The following IQSEC2 variants were observed in gnomAD, a reference collection of about 807,000 sequenced individuals.
The protein encoded by IQSEC2 is IQ motif and Sec7 domain ArfGEF 2.
In IQSEC2, 6 loss-of-function variants were observed where a neutral mutation model predicts 74.6. The observed-to-expected ratio is 0.08, with a 90% confidence interval of 0.04 to 0.16. The LOEUF (loss-of-function observed/expected upper bound fraction) is 0.16, where lower values mean the gene tolerates loss of function less well. Ranked by LOEUF, IQSEC2 falls within the 10% of genes least tolerant of loss-of-function variation. IQSEC2 has a pLI of 1.00. For synonymous variants in IQSEC2, 494 were observed against 544.5 expected, an observed-to-expected ratio of 0.91 and a Z score of 1.29; for missense variants, 734 against 1,306.2, an observed-to-expected ratio of 0.56 and a Z score of 6.75.
intron 1 of IQSEC2, among the ~76,000 whole-genome samples, chrX:53,293,162 G>C (rs1367512158): frequency 8.9e-6 from 1 of 112,276 alleles, no homozygotes; most frequent in Admixed American, 9.4e-5. Context: ...GGCCCCGCTG[G>C]CGAGGTGGGG....
At chrX:53,267,080 G>A in intron 2 of IQSEC2, 1 of 1,148,635 alleles carries the variant, frequency 8.7e-7, no homozygotes, top group Non-Finnish European at 1.2e-6. Flanking sequence ...GCCAGGAAGG[G>A]CGGGGTAGAG....
intron 1 of IQSEC2, among the ~76,000 whole-genome samples, chrX:53,295,574 A>G (rs1057139881): frequency 6.5e-5 from 6 of 92,619 alleles, no homozygotes; most frequent in Non-Finnish European, 1.0e-4. Context: ...ACTGCACTCC[A>G]GCCTGGGCAA....
intron 2 of IQSEC2, among the ~76,000 whole-genome samples, chrX:53,274,663 A>G (rs1202927660): frequency 9.2e-6 from 1 of 108,309 alleles, no homozygotes; most frequent in African/African-American, 3.4e-5. Context: ...GAGTTTCACC[A>G]TGTTAGCCAG....
chrX:53,237,218 C>T (rs1283007330), intron 12 of IQSEC2, among the ~76,000 whole-genome samples: 1 of 111,563 alleles, frequency 9.0e-6, no homozygotes, highest in African/African-American at 3.3e-5. Flanking sequence ...CTGCCTGATT[C>T]CAGAGCTTGG....
At chrX:53,290,452 C>T (rs1311391449) in intron 2 of IQSEC2, among the ~76,000 whole-genome samples, 3 of 112,055 alleles carry the variant, frequency 2.7e-5, no homozygotes, top group South Asian at 3.7e-4. Flanking sequence ...GGCACATCAC[C>T]GGGGATGCTT....
At chrX:53,317,000 G>A (rs900947569) in intron 1 of IQSEC2, among the ~76,000 whole-genome samples, 1 of 110,768 alleles carries the variant, frequency 9.0e-6, no homozygotes, top group Non-Finnish European at 1.9e-5. Flanking sequence ...AGCCGGAGCT[G>A]GGCCCATGCA....
At chrX:53,229,526 C>A (rs2074055337), downstream of IQSEC2, 1 of 109,336 alleles carries the variant, frequency 9.1e-6, no homozygotes. Context: ...CCTAGCAAGA[C>A]CTCCATCTCT....
intron 2 of IQSEC2, among the ~76,000 whole-genome samples, chrX:53,265,820 A>G (rs781819319): frequency 9.8e-5 from 11 of 112,450 alleles, no homozygotes; most frequent in African/African-American, 3.2e-4. Flanking sequence ...GAACCTTAAA[A>G]GTAAACGATC....
intron 2 of IQSEC2, among the ~76,000 whole-genome samples, chrX:53,280,094 G>T (rs1159352874): frequency 9.2e-6 from 1 of 108,544 alleles, no homozygotes; most frequent in Non-Finnish European, 1.9e-5. Flanking sequence ...TGACTCCGTG[G>T]GGACCTCAGC....
intron 1 of IQSEC2, among the ~76,000 whole-genome samples, chrX:53,303,185 A>G (rs1357911962): frequency 9.4e-6 from 1 of 106,358 alleles, no homozygotes; most frequent in African/African-American, 3.5e-5. Context: ...CCTGGGAGAC[A>G]CAGTGAGACT....
At chrX:53,287,360 G>A (rs2075043468) in intron 2 of IQSEC2, among the ~76,000 whole-genome samples, 1 of 112,492 alleles carries the variant, frequency 8.9e-6, no homozygotes, top group African/African-American at 3.2e-5. Flanking sequence ...TGTTCACCCA[G>A]AAGCTCCCTG....
chrX:53,249,276 G>A (rs1556862729), intron 5 of IQSEC2, among the ~76,000 whole-genome samples: 1 of 111,691 alleles, frequency 9.0e-6, no homozygotes, highest in Non-Finnish European at 1.9e-5. Flanking sequence ...AAGTGAAGAG[G>A]TTACTTTGTT....
intron 1 of IQSEC2, among the ~76,000 whole-genome samples, chrX:53,317,169 G>A (rs1406076298): frequency 8.9e-6 from 1 of 112,214 alleles, no homozygotes; most frequent in Non-Finnish European, 1.9e-5. Context: ...GGGGGGGTAT[G>A]TGGACAATTC....
intron 1 of IQSEC2, among the ~76,000 whole-genome samples, chrX:53,304,988 G>A (rs868947222): frequency 1.9e-5 from 2 of 107,023 alleles, no homozygotes; most frequent in Non-Finnish European, 3.9e-5. Flanking sequence ...GTGCAATCTC[G>A]GCTCACTGCA....
At chrX:53,306,039 C>T (rs1015568480) in intron 1 of IQSEC2, among the ~76,000 whole-genome samples, 2 of 112,666 alleles carry the variant, frequency 1.8e-5, no homozygotes, top group African/African-American at 6.4e-5. Context: ...GCTCTCTAGC[C>T]CTGCCTTCTC....
At chrX:53,301,663 C>T (rs1241373977) in intron 1 of IQSEC2, among the ~76,000 whole-genome samples, 1 of 111,773 alleles carries the variant, frequency 8.9e-6, no homozygotes, top group African/African-American at 3.3e-5. Flanking sequence ...ATCCACATAT[C>T]TCAAGGCTCC....
intron 2 of IQSEC2, among the ~76,000 whole-genome samples, chrX:53,276,468 C>A (rs1281742469): frequency 1.8e-5 from 2 of 112,297 alleles, no homozygotes; most frequent in African/African-American, 6.5e-5. Flanking sequence ...CTTCAATTAT[C>A]TAAGTAGACA....
At chrX:53,257,315 G>A (rs1236988134) in intron 2 of IQSEC2, among the ~76,000 whole-genome samples, 1 of 112,855 alleles carries the variant, frequency 8.9e-6, no homozygotes, top group Non-Finnish European at 1.9e-5. Flanking sequence ...GCAGCAGAGC[G>A]CTTTGCACTG....
chrX:53,261,591 AAC>A (rs1392851594), intron 2 of IQSEC2, among the ~76,000 whole-genome samples: 1 of 110,554 alleles, frequency 9.0e-6, no homozygotes, highest in Non-Finnish European at 1.9e-5. Context: ...TAGAAACAAA[AAC>A]ACATCCACAG....
Sources: allele counts gnomAD v4.1 joint callset (sites outside exome capture counted in the v4.1 genomes callset), GRCh38; gene constraint gnomAD v4.1.1; transcripts MANE v1.5; gene names NCBI Gene and HGNC (gene_info 2026-07-23, HGNC 2026-07-21).